The following KALRN variants were observed in gnomAD, a reference collection of about 807,000 sequenced individuals.
The protein encoded by KALRN is kalirin.
In KALRN, 70 loss-of-function variants were observed where a neutral mutation model predicts 353.7. The observed-to-expected ratio is 0.20, with a 90% CI of 0.16 to 0.24. The LOEUF (loss-of-function observed/expected upper bound fraction) is 0.24, where lower values mean the gene tolerates loss of function less well. Ranked by LOEUF, KALRN falls within the 10% of genes least tolerant of loss-of-function variation. The probability of loss-of-function intolerance (pLI) is 1.00; values close to 1 mark genes in which losing one functional copy is unlikely to be tolerated. For synonymous variants in KALRN, 1,391 were observed against 1,434.8 expected (o/e 0.97, Z 0.69); for missense variants, 2,791 against 3,756.7 (o/e 0.74, Z 6.72).
At chr3:124,560,366 G>A (rs1301977058) in intron 33 of KALRN, among the ~76,000 whole-genome samples, 1 of 152,270 alleles carries the variant, frequency 6.6e-6, no homozygotes, top group Non-Finnish European at 1.5e-5. Context: ...GCTCTACTGA[G>A]GTGCAGAAGC....
chr3:124,640,176 T>G (rs578149962), intron 37 of KALRN, among the ~76,000 whole-genome samples: 9 of 152,176 alleles, frequency 5.9e-5, no homozygotes, highest in South Asian at 2.1e-4. Context: ...TATCACAGGC[T>G]TGGTTAATGA....
intron 5 of KALRN, among the ~76,000 whole-genome samples, chr3:124,288,593 T>C (rs201511294): frequency 7.5e-6 from 1 of 133,074 alleles, no homozygotes; most frequent in African/African-American, 3.1e-5. Context: ...GTATCAGCAA[T>C]AGTAGGGGTT....
At chr3:124,681,255 A>G (rs1335069230) in intron 51 of KALRN, among the ~76,000 whole-genome samples, 2 of 152,222 alleles carry the variant, frequency 1.3e-5, no homozygotes. Context: ...ACACTTAGAT[A>G]AAAAACATGT....
chr3:124,672,288 G>A (rs1408137967), intron 48 of KALRN, among the ~76,000 whole-genome samples: 1 of 152,208 alleles, frequency 6.6e-6, no homozygotes, highest in Admixed American at 6.5e-5. Context: ...TATTTTAGCA[G>A]GAACAGCACA....
chr3:124,401,985 GGTCTGTGAT>G (rs2090934894), intron 13 of KALRN, among the ~76,000 whole-genome samples: 1 of 152,108 alleles, frequency 6.6e-6, no homozygotes. Context: ...GCCAGGGCAG[GGTCTGTGAT>G]TACAGGACCT....
At chr3:124,632,776 A>C (rs2080924665) in intron 35 of KALRN, 73 bp downstream of exon 35, 2 of 1,399,942 alleles carry the variant, frequency 1.4e-6, no homozygotes, top group Non-Finnish European at 2.0e-6. Flanking sequence ...GGTTTTGTCA[A>C]CTAGGCCATC....
chr3:124,278,889 G>A (rs986368148), intron 5 of KALRN, among the ~76,000 whole-genome samples: 3 of 152,040 alleles, frequency 2.0e-5, no homozygotes, highest in African/African-American at 7.2e-5. Context: ...CTTTCCCAAG[G>A]TTTCTTTCTA....
chr3:124,446,117 G>T (rs763481401), intron 19 of KALRN, 44 bp from the exon 20 acceptor site: 2 of 1,392,910 alleles, frequency 1.4e-6, no homozygotes, highest in Admixed American at 1.7e-5. Flanking sequence ...GGTTGGATTT[G>T]CTCAGAGCCC....
intron 37 of KALRN, among the ~76,000 whole-genome samples, chr3:124,642,859 G>A (rs893638764): frequency 5.0e-5 from 6 of 119,196 alleles, no homozygotes; most frequent in African/African-American, 1.8e-4. Flanking sequence ...TCTTGTTGCC[G>A]AGGCTGGAGT....
At chr3:124,118,777 G>T (rs1053876553) in intron 1 of KALRN, among the ~76,000 whole-genome samples, 3 of 152,154 alleles carry the variant, frequency 2.0e-5, no homozygotes, top group Non-Finnish European at 4.4e-5. Flanking sequence ...CTGGAAATCC[G>T]TCTTCTCATT....
At chr3:124,600,560 G>A (rs1445502120) in intron 34 of KALRN, among the ~76,000 whole-genome samples, 1 of 152,146 alleles carries the variant, frequency 6.6e-6, no homozygotes, top group Admixed American at 6.5e-5. Context: ...GATTTAGTTT[G>A]TAACGTTTAA....
intron 19 of KALRN, among the ~76,000 whole-genome samples, chr3:124,444,121 A>G (rs1241815540): frequency 6.6e-6 from 1 of 152,226 alleles, no homozygotes; most frequent in Non-Finnish European, 1.5e-5. Flanking sequence ...GTGGCTGTGC[A>G]TTGGCTGAGG....
At position 124,632,716 on chromosome 3, in the gene KALRN, G is replaced by A; in HGVS notation, c.5466+13G>A. 1.9e-6 allele frequency: 3 copies of A among 1,608,946 alleles called. No homozygotes were observed. Among genetic ancestry groups the A allele is most frequent in the South Asian group, 1.1e-5 (1 of 90,706 alleles). On this transcript the variant is annotated intron_variant, in intron 35 of 59. Coordinates refer to ENST00000682506, the MANE Select transcript of KALRN (RefSeq NM_001388419.1). ...CAGCGCTGATGAGGTACTTACAGGG[G>A]GCCCTGGAGTTGTCCATCAGGAGGG...
At chr3:124,242,661 C>A (rs189557836) in intron 3 of KALRN, among the ~76,000 whole-genome samples, 1 of 152,304 alleles carries the variant, frequency 6.6e-6, no homozygotes, top group African/African-American at 2.4e-5. Context: ...TTTCCTGAAG[C>A]TTCTCTTTGG....
intron 34 of KALRN, chr3:124,584,899 G>A (rs1267633249): frequency 6.2e-7 from 1 of 1,602,236 alleles, no homozygotes; most frequent in Non-Finnish European, 8.5e-7. Flanking sequence ...GTTGCTTCCC[G>A]TGTAGAGGTG....
intron 34 of KALRN, among the ~76,000 whole-genome samples, chr3:124,569,745 T>TA (rs1345074421): frequency 3.9e-5 from 6 of 152,346 alleles, no homozygotes; most frequent in South Asian, 2.1e-4. Flanking sequence ...TAGCTGAATC[T>TA]AAGAGCATTA....
chr3:124,104,839 A>G (rs2062151736), intron 1 of KALRN, among the ~76,000 whole-genome samples: 1 of 152,200 alleles, frequency 6.6e-6, no homozygotes, highest in South Asian at 2.1e-4. Flanking sequence ...CTTGGGGTGC[A>G]GGATTAATAG....
At chr3:124,198,641 G>A (rs2075672028) in intron 1 of KALRN, among the ~76,000 whole-genome samples, 1 of 152,122 alleles carries the variant, frequency 6.6e-6, no homozygotes, top group African/African-American at 2.4e-5. Flanking sequence ...TTCTTATTCT[G>A]GGTTCATGAG....
At chr3:124,607,514 A>G (rs1308701257) in intron 34 of KALRN, among the ~76,000 whole-genome samples, 1 of 152,220 alleles carries the variant, frequency 6.6e-6, no homozygotes, top group Non-Finnish European at 1.5e-5. Flanking sequence ...TTTCATGAGC[A>G]TGTATTTATG....
Sources: gnomAD v4.1 joint callset for allele counts (sites outside exome capture counted in the v4.1 genomes callset) on GRCh38, gnomAD v4.1.1 for gene constraint, MANE v1.5 for transcripts, NCBI Gene and HGNC (gene_info 2026-07-23, HGNC 2026-07-21) for gene names.